KIF3B: variants seen among roughly 807,000 people sequenced by gnomAD.
KIF3B encodes the protein kinesin-like protein KIF3B.
In KIF3B, 38 loss-of-function variants were observed where a neutral mutation model predicts 74.3. The ratio of observed to expected loss-of-function variants is 0.51; its 90% confidence interval spans 0.39 to 0.67. KIF3B has a LOEUF of 0.67. Among genes scored for constraint, KIF3B ranks in the 30% least tolerant of loss-of-function variants. The pLI, the probability that KIF3B is intolerant of heterozygous loss-of-function variation, is 0.00. For synonymous variants in KIF3B, 326 were observed against 342.5 expected, an observed-to-expected ratio of 0.95 and a Z score of 0.53; for missense variants, 649 against 932.0, an observed-to-expected ratio of 0.70 and a Z score of 3.95.
intron 5 of KIF3B, among the ~76,000 whole-genome samples, chr20:32,321,301 C>T (rs2047858375): frequency 6.6e-6 from 1 of 151,862 alleles, no homozygotes; most frequent in Admixed American, 6.6e-5. Flanking sequence ...TGGTGGTGCA[C>T]ACCTGTAGTC....
chr20:32,293,755 A>C (rs1446655429), intron 1 of KIF3B, among the ~76,000 whole-genome samples: 2 of 152,136 alleles, frequency 1.3e-5, no homozygotes, highest in African/African-American at 4.8e-5. Flanking sequence ...ATGAAGATGA[A>C]GGAGCAATGC....
At chr20:32,306,508 A>G (rs1367301000) in intron 1 of KIF3B, among the ~76,000 whole-genome samples, 1 of 150,780 alleles carries the variant, frequency 6.6e-6, no homozygotes, top group East Asian at 2.0e-4. Flanking sequence ...TGATTGTGGG[A>G]TTGAAAAGTA....
rs1207186913 is a variant in KIF3B at position 32,282,587 on chromosome 20, C to G, written c.-66+4822C>G. ...TGCTTTTCTACAGTCTGGCTTTTTG[C>G]CAGCCTGTGGAGCGGCAGGTGTGGG... On this transcript the variant is annotated intron_variant, in intron 1 of 8. Transcript: ENST00000375712. Among the ~76,000 whole-genome samples the G allele has an allele frequency of 2.6e-5, 4 of 151,990 alleles. No individual in the cohort carries two copies. The East Asian group carries it at 5.8e-4, about 22-fold the overall frequency.
intron 2 of KIF3B, among the ~76,000 whole-genome samples, chr20:32,312,279 A>AT (rs1270727666): frequency 6.6e-6 from 1 of 151,264 alleles, no homozygotes; most frequent in East Asian, 1.9e-4. Flanking sequence ...AATTTTTTAA[A>AT]TTTTTTGTAG....
intron 5 of KIF3B, among the ~76,000 whole-genome samples, chr20:32,322,798 A>T (rs1448566545): frequency 4.8e-5 from 3 of 62,032 alleles, no homozygotes; most frequent in African/African-American, 2.4e-4. Context: ...ATTTATATAT[A>T]TATTTATATA....
At chr20:32,290,109 G>A (rs1247617177) in intron 1 of KIF3B, among the ~76,000 whole-genome samples, 1 of 152,092 alleles carries the variant, frequency 6.6e-6, no homozygotes, top group African/African-American at 2.4e-5. Flanking sequence ...AACTACGAAT[G>A]ATAGGCTGGG....
At chr20:32,292,345 C>G (rs2047695912) in intron 1 of KIF3B, among the ~76,000 whole-genome samples, 3 of 151,836 alleles carry the variant, frequency 2.0e-5, no homozygotes. Context: ...CCTGTAATAC[C>G]AGCAGTTTGG....
intron 1 of KIF3B, among the ~76,000 whole-genome samples, chr20:32,281,866 C>A (rs2047644763): frequency 1.3e-5 from 2 of 152,156 alleles, no homozygotes; most frequent in Non-Finnish European, 2.9e-5. Context: ...GAGGTGGCAA[C>A]AAGCTTGGTA....
At chr20:32,308,362 C>T (rs546203654) in intron 1 of KIF3B, among the ~76,000 whole-genome samples, 3 of 152,082 alleles carry the variant, frequency 2.0e-5, no homozygotes, top group African/African-American at 7.2e-5. Context: ...TAGCTGGGAC[C>T]ACAGGCACAC....
At chr20:32,329,160 G>A (rs756496014) in intron 7 of KIF3B, among the ~76,000 whole-genome samples, 1 of 151,720 alleles carries the variant, frequency 6.6e-6, no homozygotes, top group East Asian at 1.9e-4. Context: ...CACCCACCTC[G>A]GCCTCCCAGA....
intron 1 of KIF3B, among the ~76,000 whole-genome samples, chr20:32,289,817 T>C (rs2047683140): frequency 6.6e-6 from 1 of 152,178 alleles, no homozygotes; most frequent in South Asian, 2.1e-4. Context: ...TAGGACATGC[T>C]GGTGTGGAAG....
chr20:32,325,776 T>C (rs2047901055), intron 5 of KIF3B, among the ~76,000 whole-genome samples: 1 of 149,342 alleles, frequency 6.7e-6, no homozygotes, highest in African/African-American at 2.5e-5. Context: ...CAAGTGATTC[T>C]CCTGTCTCAG....
At chr20:32,313,077 CCT>C (rs2047809714) in intron 2 of KIF3B, among the ~76,000 whole-genome samples, 3 of 152,166 alleles carry the variant, frequency 2.0e-5, no homozygotes, top group Non-Finnish European at 1.5e-5. Context: ...TCTCCCAACC[CCT>C]GTGTGCTAAT....
At chr20:32,280,573 G>A (rs1419612282) in intron 1 of KIF3B, among the ~76,000 whole-genome samples, 1 of 151,760 alleles carries the variant, frequency 6.6e-6, no homozygotes, top group African/African-American at 2.4e-5. Context: ...AAATTAGCTG[G>A]GCATGGTGGC....
chr20:32,319,003 C>T (rs1256519168), intron 5 of KIF3B, among the ~76,000 whole-genome samples: 1 of 151,788 alleles, frequency 6.6e-6, no homozygotes, highest in East Asian at 1.9e-4. Context: ...TTCTGCCACC[C>T]AGGCTGGTGT....
intron 1 of KIF3B, among the ~76,000 whole-genome samples, chr20:32,304,302 C>A (rs995840136): frequency 6.6e-6 from 1 of 152,190 alleles, no homozygotes; most frequent in Non-Finnish European, 1.5e-5. Context: ...GCCCAAGTGG[C>A]CCATCACTGC....
intron 1 of KIF3B, among the ~76,000 whole-genome samples, chr20:32,280,714 CAAAAAAAAAAAAAAAAAAA>C (rs34366324): frequency 1.6e-4 from 8 of 51,352 alleles, no homozygotes; most frequent in Non-Finnish European, 2.7e-4. Context: ...GACTCCGTCT[CAAAAAAAAAAAAAAAAAAA>C]AAAAAAAGAA....
In KIF3B at chr20:32,310,139, A is replaced by T; in HGVS notation, c.362A>T (p.Asn121Ile). The change falls in exon 2 of 9, where the codon AAC becomes ATC. Residue 121 changes from asparagine to isoleucine, a missense_variant. Transcript: ENST00000375712. This position sits in a 1 kb window ranked among gnomAD's most constrained non-coding sequence, Gnocchi z 6.5. Reference protein sequence around the residue: ...GDPEKRGVIPNSFDHIFTHIS... With the variant: ...GDPEKRGVIPISFDHIFTHIS... ...CCTGAAAAAAGAGGAGTCATTCCTA[A>T]CTCATTTGACCATATCTTCACCCAC... 6.2e-7 allele frequency: 1 copy of T among 1,614,084 alleles called. No homozygotes were observed. The highest frequency in any genetic ancestry group is 8.5e-7 in the Non-Finnish European group (1 of 1,179,960).
intron 1 of KIF3B, among the ~76,000 whole-genome samples, chr20:32,281,694 G>C (rs1209455951): frequency 6.6e-6 from 1 of 152,092 alleles, no homozygotes; most frequent in Non-Finnish European, 1.5e-5. Flanking sequence ...TCCAGCCTGG[G>C]CAACAGAGCG....
Sources: gnomAD v4.1 joint callset for allele counts (sites outside exome capture counted in the v4.1 genomes callset) on GRCh38, gnomAD v4.1.1 for gene constraint, Gnocchi (gnomAD v3.1) non-coding constraint, MANE v1.5 for transcripts, NCBI Gene and HGNC (gene_info 2026-07-23, HGNC 2026-07-21) for gene names.